The following PIEZO2 variants were observed in gnomAD, a reference collection of about 807,000 sequenced individuals.
The protein encoded by PIEZO2 is piezo-type mechanosensitive ion channel component 2.
In PIEZO2, 172 loss-of-function variants were observed where a neutral mutation model predicts 337.3. The observed-to-expected ratio is 0.51, with a 90% CI of 0.45 to 0.58. The LOEUF (loss-of-function observed/expected upper bound fraction) is 0.58, where lower values mean the gene tolerates loss of function less well. Among genes scored for constraint, PIEZO2 ranks in the 20% least tolerant of loss-of-function variants. The pLI is 0.00. For missense variants in PIEZO2, 3,028 were observed against 3,391.3 expected (o/e 0.89, Z 2.66); for synonymous variants, 1,251 against 1,228.5 (o/e 1.02, Z -0.38).
intron 4 of PIEZO2, among the ~76,000 whole-genome samples, chr18:10,902,214 C>A (rs1052857563): frequency 6.6e-6 from 1 of 152,206 alleles, no homozygotes; most frequent in Admixed American, 6.5e-5. Flanking sequence ...TACCCCCATC[C>A]GTGGAAAAAT....
At chr18:10,712,845 T>A (rs7229725) in intron 39 of PIEZO2, among the ~76,000 whole-genome samples, 1,572 of 152,310 alleles carry the variant, frequency 0.01, 39 homozygotes, top group African/African-American at 0.036. Context: ...AAATCTCAAT[T>A]AGGAAATACA....
At chr18:10,882,568 T>G (rs1427454263) in intron 4 of PIEZO2, among the ~76,000 whole-genome samples, 1 of 152,180 alleles carries the variant, frequency 6.6e-6, no homozygotes, top group African/African-American at 2.4e-5. Context: ...ATTCTTTCTT[T>G]TTTATGCAAA....
chr18:10,986,050 A>G (rs1019947048), intron 2 of PIEZO2, among the ~76,000 whole-genome samples: 4 of 152,028 alleles, frequency 2.6e-5, no homozygotes, highest in Non-Finnish European at 5.9e-5. Context: ...TGAAAAGACA[A>G]CAGGATTGGG....
chr18:10,964,948 A>C (rs1040891246), intron 3 of PIEZO2, among the ~76,000 whole-genome samples: 2 of 152,228 alleles, frequency 1.3e-5, no homozygotes, highest in Non-Finnish European at 2.9e-5. Flanking sequence ...TTATGGCTGA[A>C]TAATATTCAT....
intron 52 of PIEZO2, 128 bp downstream of exon 52, chr18:10,680,071 A>C (rs1456864638): frequency 2.7e-6 from 2 of 752,876 alleles, no homozygotes; most frequent in African/African-American, 3.6e-5. Flanking sequence ...TCCCAAGGCT[A>C]TAATGATAAA....
intron 1 of PIEZO2, among the ~76,000 whole-genome samples, chr18:11,076,132 G>A (rs993523029): frequency 6.6e-6 from 1 of 152,174 alleles, no homozygotes; most frequent in Non-Finnish European, 1.5e-5. Context: ...ATTTAGTCAT[G>A]TTTTAACATT....
At chr18:11,085,111 G>A (rs6505616) in intron 1 of PIEZO2, among the ~76,000 whole-genome samples, 89,097 of 152,062 alleles carry the variant, frequency 0.59, 28,003 homozygotes, top group African/African-American at 0.83. Context: ...TGTCATTTTT[G>A]TTTTCAAGAT....
chr18:10,716,047 C>T lies in PIEZO2; in HGVS notation c.5090-231G>A, dbSNP rs1161317784. Among the ~76,000 whole-genome samples the T allele has an allele frequency of 6.6e-6, 1 of 152,180 alleles. No homozygotes were observed. The highest frequency in any genetic ancestry group is 1.5e-5 in the Non-Finnish European group (1 of 68,044). On this transcript the variant is annotated intron_variant, in intron 37 of 55. Transcript: ENST00000674853. This position sits in a 1 kb window ranked among gnomAD's most constrained non-coding sequence, Gnocchi z 4.1. ...ACCAAATCAGGATAGAACTTGTAAT[C>T]TTTAGTGGAAACAGAAAGCAGGGCG...
rs1222956776 is a variant in PIEZO2 at position 11,070,433 on chromosome 18, A to C, written c.65-4211T>G. 6.6e-6 allele frequency among the ~76,000 whole-genome samples: 1 copy of C among 152,170 alleles called. No individual in the cohort carries two copies. Among genetic ancestry groups the C allele is most frequent in the Non-Finnish European group, 1.5e-5 (1 of 68,030 alleles). On this transcript the variant is annotated intron_variant, in intron 1 of 55. Transcript: ENST00000674853. The surrounding 1 kb of genome is among the most constrained non-coding windows in gnomAD (Gnocchi z 4.3). Reference sequence around the variant, plus strand: ...GAACTCTCTGAAGGAAAGAACACTAAAGAGAGGCACGAAGGAGGCAGGTGT... The same window carrying C: ...GAACTCTCTGAAGGAAAGAACACTACAGAGAGGCACGAAGGAGGCAGGTGT...
At chr18:10,971,153 C>A (rs575265398) in intron 3 of PIEZO2, among the ~76,000 whole-genome samples, 1 of 152,116 alleles carries the variant, frequency 6.6e-6, no homozygotes, top group African/African-American at 2.4e-5. Context: ...ATAAGGGACT[C>A]AAGAGGCATC....
At chr18:11,145,443 C>G (rs1485245415) in intron 1 of PIEZO2, among the ~76,000 whole-genome samples, 1 of 152,162 alleles carries the variant, frequency 6.6e-6, no homozygotes, top group Non-Finnish European at 1.5e-5. Context: ...CTAGGAATCT[C>G]TGTGCAGGAA....
In PIEZO2 at chr18:11,148,127, G is replaced by C. The variant is rs947297534; in HGVS notation, c.64+398C>G. 1.8e-4 allele frequency among the ~76,000 whole-genome samples: 28 copies of C among 152,280 alleles called. No homozygotes were observed. Among genetic ancestry groups the C allele is most frequent in the Middle Eastern group, 3.4e-3 (1 of 294 alleles). On this transcript the variant is annotated intron_variant, in intron 1 of 55. Coordinates refer to ENST00000674853, the MANE Select transcript of PIEZO2 (RefSeq NM_001378183.1). This position sits in a 1 kb window ranked among gnomAD's most constrained non-coding sequence, Gnocchi z 5.2. ...GGCCTCTGGGCCGTCTGGAGGCACA[G>C]CATGCTGTGCTTGCAGGGTCACTGG...
intron 1 of PIEZO2, among the ~76,000 whole-genome samples, chr18:11,135,540 C>A (rs559701464): frequency 4.6e-5 from 7 of 152,200 alleles, no homozygotes; most frequent in East Asian, 1.9e-4. Flanking sequence ...GTTCACGTTG[C>A]AGATTGATTG....
chr18:10,968,691 A>G (rs1334137740), intron 3 of PIEZO2, among the ~76,000 whole-genome samples: 1 of 151,476 alleles, frequency 6.6e-6, no homozygotes, highest in Non-Finnish European at 1.5e-5. Context: ...TGCAAAGAAA[A>G]TACTTTTTTC....
In PIEZO2 at chr18:11,094,047, C is replaced by T. The variant is rs551162072; in HGVS notation, c.65-27825G>A. ...AGGCTGGAGTGCAGTGGTGCTACTG[C>T]GGCTCACTGCAACCTCTGCCTCCTG... On this transcript the variant is annotated intron_variant, in intron 1 of 55. Transcript: ENST00000674853. This position sits in a 1 kb window ranked among gnomAD's most constrained non-coding sequence, Gnocchi z 4.4. 7.9e-5 allele frequency among the ~76,000 whole-genome samples: 12 copies of T among 151,982 alleles called. No individual in the cohort carries two copies. The highest frequency in any genetic ancestry group is 7.8e-4 in the East Asian group (4 of 5,142).
Position 10,794,658 on chromosome 18 carries a change from T to G in PIEZO2, c.1758+114A>C. ...TTACAGTCTCATGTTTGTTCATTTT[T>G]ACAAAGCAGTGAATATTTGGAACCT... is the stretch of plus-strand genomic sequence containing the variant. On this transcript the variant is annotated intron_variant, in intron 13 of 55. Coordinates refer to ENST00000674853, the MANE Select transcript of PIEZO2 (RefSeq NM_001378183.1). The surrounding 1 kb of genome is among the most constrained non-coding windows in gnomAD (Gnocchi z 6.6). 1.2e-6 allele frequency: 1 copy of G among 851,526 alleles called. No homozygotes were observed. Among genetic ancestry groups the G allele is most frequent in the East Asian group, 2.7e-5 (1 of 37,522 alleles). The allele number at this position is 851,526 out of a possible 1,614,324, so 52.7% of individuals were successfully genotyped here. A position where few individuals can be genotyped will look rare whatever the true frequency, so the allele number is the denominator to read the frequency against.
At chr18:11,046,382 G>A (rs188612340) in intron 2 of PIEZO2, among the ~76,000 whole-genome samples, 1 of 152,372 alleles carries the variant, frequency 6.6e-6, no homozygotes, top group East Asian at 1.9e-4. Context: ...GGTCAGCACA[G>A]CCTGTATCCT....
intron 11 of PIEZO2, among the ~76,000 whole-genome samples, chr18:10,799,050 G>T (rs2039711656): frequency 6.6e-6 from 1 of 152,168 alleles, no homozygotes; most frequent in African/African-American, 2.4e-5. Context: ...CTAACCAGTT[G>T]TACAGTTAAG....
intron 1 of PIEZO2, among the ~76,000 whole-genome samples, chr18:11,138,576 T>A (rs11662075): frequency 0.037 from 5,710 of 152,292 alleles, 160 homozygotes; most frequent in East Asian, 0.087. Flanking sequence ...ATTACAGGCG[T>A]GAGCCACCAC....
Sources: allele counts gnomAD v4.1 joint callset (sites outside exome capture counted in the v4.1 genomes callset), GRCh38; gene constraint gnomAD v4.1.1; non-coding constraint Gnocchi (gnomAD v3.1); transcripts MANE v1.5; gene names NCBI Gene and HGNC (gene_info 2026-07-23, HGNC 2026-07-21).